The following EPHA7 variants were observed in gnomAD, a reference collection of about 807,000 sequenced individuals.
The protein encoded by EPHA7 is ephrin type-A receptor 7.
Under a neutral mutation model 112.6 loss-of-function variants are expected in EPHA7, and 25 were observed. The ratio of observed to expected loss-of-function variants is 0.22; its 90% confidence interval spans 0.16 to 0.31. The LOEUF is 0.31. Among genes scored for constraint, EPHA7 ranks in the 10% least tolerant of loss-of-function variants. EPHA7 has a pLI of 1.00. For synonymous variants in EPHA7, 437 were observed against 406.5 expected, an observed-to-expected ratio of 1.07 and a Z score of -0.90; for missense variants, 962 against 1,212.6, an observed-to-expected ratio of 0.79 and a Z score of 3.07.
intron 14 of EPHA7, among the ~76,000 whole-genome samples, chr6:93,250,051 G>T (rs973831737): frequency 6.6e-6 from 1 of 152,050 alleles, no homozygotes; most frequent in African/African-American, 2.4e-5. Context: ...TATATTCAAA[G>T]ATATAATGTT....
intron 5 of EPHA7, among the ~76,000 whole-genome samples, chr6:93,273,796 A>G (rs1771343456): frequency 6.6e-6 from 1 of 151,992 alleles, no homozygotes; most frequent in Non-Finnish European, 1.5e-5. Flanking sequence ...ACAGTAAACA[A>G]TAACTTATCT....
intron 5 of EPHA7, among the ~76,000 whole-genome samples, chr6:93,320,609 T>C (rs760420714): frequency 3.3e-5 from 5 of 152,002 alleles, no homozygotes; most frequent in Non-Finnish European, 5.9e-5. Flanking sequence ...TTCTCTTTCA[T>C]GGTTTTAAAA....
chr6:93,305,670 A>C (rs933246273), intron 5 of EPHA7, among the ~76,000 whole-genome samples: 4 of 151,960 alleles, frequency 2.6e-5, no homozygotes, highest in Non-Finnish European at 5.9e-5. Flanking sequence ...TACTGTGAAA[A>C]TAATACAGAC....
At chr6:93,252,072 C>A (rs939174101) in intron 14 of EPHA7, among the ~76,000 whole-genome samples, 3 of 151,854 alleles carry the variant, frequency 2.0e-5, no homozygotes, top group African/African-American at 7.2e-5. Context: ...TTGTTCATTG[C>A]CTTGTCCAGA....
chr6:93,365,335 A>G (rs1300155237), intron 3 of EPHA7, among the ~76,000 whole-genome samples: 2 of 152,230 alleles, frequency 1.3e-5, no homozygotes, highest in Non-Finnish European at 2.9e-5. Flanking sequence ...GTAGTTAAGA[A>G]TTCTAATGAA....
intron 3 of EPHA7, among the ~76,000 whole-genome samples, chr6:93,394,585 A>G (rs1245798409): frequency 6.6e-6 from 1 of 151,832 alleles, no homozygotes; most frequent in East Asian, 1.9e-4. Context: ...AACTAAGAAG[A>G]GAATATCTTA....
chr6:93,269,676 A>G lies in EPHA7; in HGVS notation c.1450-16T>C. 1 of 1,492,136 alleles carries G rather than the reference A, an allele frequency of 6.7e-7. No homozygotes were observed. Among genetic ancestry groups the G allele is most frequent in the African/African-American group, 1.4e-5 (1 of 69,546 alleles). The allele number at this position is 1,492,136 out of a possible 1,614,324, so 92.4% of individuals were successfully genotyped here. On this transcript the variant is annotated splice_polypyrimidine_tract_variant and intron_variant, in intron 6 of 16. Transcript: ENST00000369303. The stretch of plus-strand genomic sequence containing the variant: ...CCCTTTGATCCTAGAAACAATATTT[A>G]GAGGAAATATTTAATTGTGATTGCA...
intron 3 of EPHA7, among the ~76,000 whole-genome samples, chr6:93,360,247 T>C (rs981052406): frequency 2.6e-5 from 4 of 151,700 alleles, no homozygotes; most frequent in African/African-American, 9.7e-5. Flanking sequence ...GGGTTTAGCT[T>C]AGATTTCTCG....
At chr6:93,329,652 G>A (rs1774493297) in intron 5 of EPHA7, among the ~76,000 whole-genome samples, 1 of 151,200 alleles carries the variant, frequency 6.6e-6, no homozygotes, top group Non-Finnish European at 1.5e-5. Flanking sequence ...GAGTATGACT[G>A]ACTAAATAAA....
intron 3 of EPHA7, among the ~76,000 whole-genome samples, chr6:93,377,706 T>C (rs1302218558): frequency 6.6e-6 from 1 of 152,050 alleles, no homozygotes; most frequent in African/African-American, 2.4e-5. Flanking sequence ...GCAGAAAACT[T>C]AAAAGTTTCT....
intron 5 of EPHA7, among the ~76,000 whole-genome samples, chr6:93,304,768 CTT>C (rs1253521569): frequency 6.6e-6 from 1 of 152,056 alleles, no homozygotes; most frequent in Non-Finnish European, 1.5e-5. Flanking sequence ...TGCCTACTCT[CTT>C]TCTCTTGCTT....
At chr6:93,352,408 A>G (rs1237946494) in intron 5 of EPHA7, among the ~76,000 whole-genome samples, 1 of 152,118 alleles carries the variant, frequency 6.6e-6, no homozygotes, top group East Asian at 1.9e-4. Flanking sequence ...AGTATTCTTC[A>G]GGGCCTAGAA....
chr6:93,381,126 G>A (rs1446331761), intron 3 of EPHA7, among the ~76,000 whole-genome samples: 1 of 151,864 alleles, frequency 6.6e-6, no homozygotes, highest in African/African-American at 2.4e-5. Context: ...ATCAGTTATC[G>A]GGTATATTTA....
At position 93,241,698 on chromosome 6, in the gene EPHA7, T is replaced by G. The variant is rs967328882; in HGVS notation, c.*1728A>C. 1.8e-5 allele frequency: 4 copies of G among 223,838 alleles called. No individual in the cohort carries two copies. Among genetic ancestry groups the G allele is most frequent in the African/African-American group, 6.7e-5 (3 of 44,800 alleles). 13.9% of individuals were successfully genotyped at this position (223,838 alleles called of 1,614,324 possible). A position where few individuals can be genotyped will look rare whatever the true frequency, so the allele number is the denominator to read the frequency against. ...TTCTATAGCCGTCTTTGGTCCTAAA[T>G]GTGGGAAAACACATTATGTAGCACT... On this transcript the variant is annotated 3_prime_UTR_variant, in exon 17 of 17. Transcript: ENST00000369303.
intron 5 of EPHA7, among the ~76,000 whole-genome samples, chr6:93,273,316 T>TGAAA (rs1274524481): frequency 2.0e-5 from 3 of 151,824 alleles, no homozygotes. Context: ...TTCAGTGGGG[T>TGAAA]CATTATGTTT....
At chr6:93,389,246 C>G (rs984091188) in intron 3 of EPHA7, among the ~76,000 whole-genome samples, 2 of 152,020 alleles carry the variant, frequency 1.3e-5, no homozygotes, top group Non-Finnish European at 2.9e-5. Flanking sequence ...AGCATCATCT[C>G]ATTTTTATGC....
chr6:93,364,782 G>C (rs532531060), intron 3 of EPHA7, among the ~76,000 whole-genome samples: 1 of 151,960 alleles, frequency 6.6e-6, no homozygotes, highest in Admixed American at 6.6e-5. Context: ...TTACTTTTAA[G>C]ACTATTAGAA....
intron 5 of EPHA7, among the ~76,000 whole-genome samples, chr6:93,318,815 A>G (rs972997007): frequency 2.8e-4 from 43 of 152,240 alleles, no homozygotes; most frequent in African/African-American, 1.0e-3. Context: ...AAGTTACCTC[A>G]AATTCTAGAA....
chr6:93,321,012 A>G (rs1470198779), intron 5 of EPHA7, among the ~76,000 whole-genome samples: 3 of 151,974 alleles, frequency 2.0e-5, no homozygotes, highest in African/African-American at 7.2e-5. Context: ...AATTCAATCT[A>G]CTTATCACGT....
Sources: gnomAD v4.1 joint callset for allele counts (sites outside exome capture counted in the v4.1 genomes callset) on GRCh38, gnomAD v4.1.1 for gene constraint, MANE v1.5 for transcripts, NCBI Gene and HGNC (gene_info 2026-07-23, HGNC 2026-07-21) for gene names.